AKAP19: variants seen among roughly 807,000 people sequenced by gnomAD.
AKAP19 encodes the protein A-kinase anchoring protein 19.
At chr2:190,181,601 G>A in the AKAP19 span, among the ~76,000 whole-genome samples, 7 of 152,196 alleles carry the variant, frequency 4.6e-5, no homozygotes, top group African/African-American at 1.7e-4. Flanking sequence ...ATGAGTTAAG[G>A]GGTCAAAGAA....
chr2:190,095,898 A>G, the AKAP19 span, among the ~76,000 whole-genome samples: 2 of 152,174 alleles, frequency 1.3e-5, no homozygotes, highest in Non-Finnish European at 2.9e-5. Context: ...TGAGAAGGAA[A>G]GATAGATGTA....
chr2:190,035,440 A>AG, the AKAP19 span, among the ~76,000 whole-genome samples: 2 of 152,144 alleles, frequency 1.3e-5, no homozygotes, highest in Non-Finnish European at 2.9e-5. Flanking sequence ...CAAAAAAAAA[A>AG]AAAGATTATC....
At chr2:189,945,295 C>T in the AKAP19 span, among the ~76,000 whole-genome samples, 1 of 152,158 alleles carries the variant, frequency 6.6e-6, no homozygotes, top group Admixed American at 6.5e-5. Context: ...AGTTCAGAAG[C>T]AGCCTTATGG....
At chr2:190,122,510 G>A in the AKAP19 span, among the ~76,000 whole-genome samples, 3 of 151,968 alleles carry the variant, frequency 2.0e-5, 1 homozygote, top group South Asian at 4.2e-4. Flanking sequence ...TTCACTTTAG[G>A]GCAGACTTCT....
the AKAP19 span, among the ~76,000 whole-genome samples, chr2:189,889,306 C>G: frequency 1.3e-5 from 2 of 152,278 alleles, no homozygotes; most frequent in South Asian, 4.1e-4. Context: ...GTTGGATAAG[C>G]TTTTTGATGT....
chr2:189,892,967 A>G, the AKAP19 span, among the ~76,000 whole-genome samples: 1 of 152,174 alleles, frequency 6.6e-6, no homozygotes, highest in Non-Finnish European at 1.5e-5. Flanking sequence ...ATCTGGCTAC[A>G]GCAGCTTTGC....
At chr2:190,145,539 A>G in the AKAP19 span, among the ~76,000 whole-genome samples, 1 of 152,226 alleles carries the variant, frequency 6.6e-6, no homozygotes, top group African/African-American at 2.4e-5. Context: ...GCCATCCCAT[A>G]AGATTATAAT....
chr2:190,088,939 G>A, the AKAP19 span, among the ~76,000 whole-genome samples: 212 of 152,286 alleles, frequency 1.4e-3, 1 homozygote, highest in South Asian at 2.5e-3. Flanking sequence ...TCCTCTAAGC[G>A]TTCTCCCAGC....
At chr2:189,902,023 ACT>A in the AKAP19 span, among the ~76,000 whole-genome samples, 2 of 152,110 alleles carry the variant, frequency 1.3e-5, no homozygotes, top group Non-Finnish European at 2.9e-5. Flanking sequence ...GAGAGTTATT[ACT>A]GTTATTTATT....
the AKAP19 span, among the ~76,000 whole-genome samples, chr2:190,152,971 C>A: frequency 6.6e-6 from 1 of 151,496 alleles, no homozygotes. Flanking sequence ...TTTCAGCTTA[C>A]TGCAAGCTCC....
chr2:190,143,284 G>GAAAAAAAAA, the AKAP19 span, among the ~76,000 whole-genome samples: 1 of 118,926 alleles, frequency 8.4e-6, no homozygotes, highest in African/African-American at 3.2e-5. Context: ...TATCCTGTAG[G>GAAAAAAAAA]AAAAAAAAAA....
At chr2:190,016,711 T>A in the AKAP19 span, among the ~76,000 whole-genome samples, 1 of 152,342 alleles carries the variant, frequency 6.6e-6, no homozygotes, top group East Asian at 1.9e-4. Flanking sequence ...TAACATATGA[T>A]CTATCCTGGA....
chr2:189,994,313 G>T, the AKAP19 span, among the ~76,000 whole-genome samples: 1 of 151,756 alleles, frequency 6.6e-6, no homozygotes, highest in African/African-American at 2.4e-5. Flanking sequence ...CGCCCAGCCT[G>T]ATCTTTTGTT....
At chr2:190,140,075 C>T in the AKAP19 span, among the ~76,000 whole-genome samples, 4 of 152,162 alleles carry the variant, frequency 2.6e-5, no homozygotes, top group East Asian at 7.7e-4. Context: ...AGTCTGAAAT[C>T]CGATGGGTCA....
the AKAP19 span, among the ~76,000 whole-genome samples, chr2:190,094,380 G>A: frequency 1.3e-5 from 2 of 152,128 alleles, no homozygotes; most frequent in Non-Finnish European, 2.9e-5. Context: ...CTGCCATTTT[G>A]TAGATAAGAA....
the AKAP19 span, among the ~76,000 whole-genome samples, chr2:190,018,378 T>C: frequency 6.6e-6 from 1 of 152,180 alleles, no homozygotes; most frequent in Non-Finnish European, 1.5e-5. Flanking sequence ...ATTTACAGTG[T>C]TCTATCTTTG....
the AKAP19 span, among the ~76,000 whole-genome samples, chr2:190,058,317 A>G: frequency 6.6e-6 from 1 of 152,044 alleles, no homozygotes; most frequent in East Asian, 1.9e-4. Flanking sequence ...ACAACATATT[A>G]ACCACTGGAC....
At chr2:190,160,859 TAA>T in the AKAP19 span, among the ~76,000 whole-genome samples, 3 of 152,176 alleles carry the variant, frequency 2.0e-5, no homozygotes, top group East Asian at 3.8e-4. Flanking sequence ...ATTCATAATA[TAA>T]GTGACATTTT....
At chr2:189,921,418 A>T in the AKAP19 span, among the ~76,000 whole-genome samples, 1 of 152,218 alleles carries the variant, frequency 6.6e-6, no homozygotes. Context: ...TGACAACATG[A>T]AGTTATTGGT....
Sources: allele counts gnomAD v4.1 joint callset (sites outside exome capture counted in the v4.1 genomes callset), GRCh38; gene constraint gnomAD v4.1.1; transcripts MANE v1.5; gene names NCBI Gene and HGNC (gene_info 2026-07-23, HGNC 2026-07-21).